Variants in GUCY1A1 observed in about 807,000 individuals in gnomAD.
GUCY1A1 encodes guanylate cyclase 1 soluble subunit alpha 1.
A neutral mutation model predicts 64.5 loss-of-function variants in GUCY1A1; 48 were observed. The ratio of observed to expected loss-of-function variants is 0.74; its 90% confidence interval spans 0.59 to 0.95. GUCY1A1 has a LOEUF of 0.95. Among genes scored for constraint, GUCY1A1 ranks in the 40% least tolerant of loss-of-function variants. GUCY1A1 has a pLI of 0.00. For missense variants in GUCY1A1, 804 were observed against 825.3 expected (o/e 0.97, Z 0.32); for synonymous variants, 308 against 303.4 (o/e 1.02, Z -0.16).
chr4:155,730,453 T>C lies in GUCY1A1; in HGVS notation c.*222T>C, dbSNP rs952353345. The C allele has an allele frequency of 9.7e-6, 4 of 410,420 alleles. No individual in the cohort carries two copies. The highest frequency in any genetic ancestry group is 1.7e-5 in the Non-Finnish European group (4 of 229,000). 25.4% of individuals were successfully genotyped at this position (410,420 alleles called of 1,614,324 possible). A position where few individuals can be genotyped will look rare whatever the true frequency, so the allele number is the denominator to read the frequency against. On this transcript the variant is annotated 3_prime_UTR_variant, in exon 10 of 10. Coordinates refer to ENST00000506455, the MANE Select transcript of GUCY1A1 (RefSeq NM_001130682.3). The stretch of plus-strand genomic sequence containing the variant: ...AAAAAACCTTAAAAAGCTACTTTTG[T>C]GGGAGTATTTCTATTATATAACCAG...
intron 7 of GUCY1A1, 145 bp downstream of exon 7, chr4:155,713,728 T>G: frequency 1.3e-6 from 1 of 768,296 alleles, no homozygotes; most frequent in Non-Finnish European, 2.1e-6. Context: ...GTATGGTGCA[T>G]TCATTATGTG....
chr4:155,691,132 AGATGGTTTTGAACTTAAGAATAAATAT>A (rs368027850), intron 2 of GUCY1A1, among the ~76,000 whole-genome samples: 6 of 152,372 alleles, frequency 3.9e-5, no homozygotes, highest in African/African-American at 7.2e-5. Flanking sequence ...AGCAAAAGCC[AGATGGTTTTGAACTTAAGAATAAATAT>A]GATGTAAGGA....
chr4:155,734,959 ATC>A lies in GUCY1A1; in HGVS notation c.*4730_*4731del, dbSNP rs1473017202. On this transcript the variant is annotated 3_prime_UTR_variant, in exon 10 of 10. Coordinates refer to ENST00000506455, the MANE Select transcript of GUCY1A1 (RefSeq NM_001130682.3). ...TAACGGAGCCAATTAATCCTTTGTC[ATC>A]TTTGTTGAGTTTAGTTTTCTTCTGT... is the stretch of plus-strand genomic sequence containing the variant. 6.6e-6 allele frequency: 1 copy of A among 151,890 alleles called. No homozygotes were observed. The highest frequency in any genetic ancestry group is 2.4e-5 in the African/African-American group (1 of 41,390). 9.4% of individuals were successfully genotyped at this position (151,890 alleles called of 1,614,324 possible).
intron 7 of GUCY1A1, among the ~76,000 whole-genome samples, chr4:155,716,468 A>G (rs1733246323): frequency 6.6e-6 from 1 of 152,188 alleles, no homozygotes; most frequent in Non-Finnish European, 1.5e-5. Context: ...TAACGACAAC[A>G]ATAATGATGA....
rs796190969 is a variant in GUCY1A1 at position 155,700,446 on chromosome 4, T to C, written c.255+3324T>C. Among the ~76,000 whole-genome samples, 21 of 152,296 alleles carry C rather than the reference T, an allele frequency of 1.4e-4. 1 individual carries two copies. In the South Asian group the frequency reaches 4.1e-3, roughly 30 times the overall value. On this transcript the variant is annotated intron_variant, in intron 3 of 9. Coordinates refer to ENST00000506455, the MANE Select transcript of GUCY1A1 (RefSeq NM_001130682.3). The stretch of plus-strand genomic sequence containing the variant: ...AAAATTAAAAAGCCAATGAAAATAG[T>C]GACTTATCCATAAACCACACCAATG...
intron 2 of GUCY1A1, among the ~76,000 whole-genome samples, chr4:155,673,636 G>A (rs892065730): frequency 1.3e-5 from 2 of 151,430 alleles, no homozygotes; most frequent in African/African-American, 4.9e-5. Context: ...GTGTGTGGGT[G>A]TGCATGTGTG....
intron 3 of GUCY1A1, among the ~76,000 whole-genome samples, chr4:155,699,870 T>C (rs1166082907): frequency 6.6e-6 from 1 of 152,190 alleles, no homozygotes; most frequent in African/African-American, 2.4e-5. Context: ...CAGGCAAGTA[T>C]AAAAATGTAT....
rs566840443 is a variant in GUCY1A1, at chr4:155,731,521, T to G, written c.*1290T>G. The G allele has an allele frequency of 6.6e-6, 1 of 151,946 alleles. No homozygotes were observed. Among genetic ancestry groups the G allele is most frequent in the Non-Finnish European group, 1.5e-5 (1 of 67,834 alleles). 9.4% of individuals were successfully genotyped at this position (151,946 alleles called of 1,614,324 possible). A position where few individuals can be genotyped will look rare whatever the true frequency, so the allele number is the denominator to read the frequency against. ...CCGGAACTTCAACTTTTTCTTTTTG[T>G]TTTACATAAACATTTAAGCAGCTAG... On this transcript the variant is annotated 3_prime_UTR_variant, in exon 10 of 10. Coordinates refer to ENST00000506455, the MANE Select transcript of GUCY1A1 (RefSeq NM_001130682.3).
intron 2 of GUCY1A1, among the ~76,000 whole-genome samples, chr4:155,691,720 C>T (rs1480703839): frequency 6.6e-6 from 1 of 152,122 alleles, no homozygotes; most frequent in Non-Finnish European, 1.5e-5. Context: ...CAGCTAATTG[C>T]TTTTGTGATG....
At chr4:155,717,111 A>T (rs1244116188) in intron 7 of GUCY1A1, 48 bp from the exon 8 acceptor site, 1 of 1,293,210 alleles carries the variant, frequency 7.7e-7, no homozygotes, top group Non-Finnish European at 1.0e-6. Flanking sequence ...GTAGGCTGTG[A>T]TTCTTCCTGA....
intron 7 of GUCY1A1, among the ~76,000 whole-genome samples, chr4:155,714,219 G>A (rs896916701): frequency 1.3e-5 from 2 of 152,178 alleles, no homozygotes; most frequent in Admixed American, 6.5e-5. Flanking sequence ...AACTGACCAA[G>A]TTAAAAAACC....
chr4:155,719,627 G>T (rs904218962), intron 8 of GUCY1A1, among the ~76,000 whole-genome samples: 4 of 152,084 alleles, frequency 2.6e-5, no homozygotes, highest in African/African-American at 9.7e-5. Flanking sequence ...CACGTCACAT[G>T]TGCAAATCAT....
At chr4:155,680,949 GCACACACACACACACATGCACACA>G (rs1735663992) in intron 2 of GUCY1A1, among the ~76,000 whole-genome samples, 1 of 136,318 alleles carries the variant, frequency 7.3e-6, no homozygotes, top group Admixed American at 7.2e-5. Flanking sequence ...ACACACACAT[GCACACACACACACACATGCACACA>G]CACACACACG....
At chr4:155,694,827 T>C (rs887747387) in intron 2 of GUCY1A1, among the ~76,000 whole-genome samples, 4 of 152,190 alleles carry the variant, frequency 2.6e-5, no homozygotes, top group Non-Finnish European at 5.9e-5. Context: ...TAAACAATAA[T>C]AGAATTATGT....
chr4:155,725,222 C>A (rs1297224679), intron 9 of GUCY1A1, among the ~76,000 whole-genome samples: 2 of 152,028 alleles, frequency 1.3e-5, no homozygotes, highest in Non-Finnish European at 2.9e-5. Context: ...GCTCCTAGAT[C>A]AGCGCGTGAA....
In GUCY1A1 at chr4:155,696,929, C is replaced by T. The variant is rs1210255951; in HGVS notation, c.62C>T (p.Ala21Val). ...GGAGAGTGTCCTTTCTCCTTACTGG[C>T]ACCAGGTCAAGTTCCTAACGAGTCT... ...ITGECPFSLL[A>V]PGQVPNESSE... Residue 21 changes from alanine to valine, a missense_variant, in exon 3 of 10, where the codon GCA (alanine) becomes GTA (valine). Physicochemically the swap from Ala to Val is moderately conservative, Grantham distance 64. Transcript: ENST00000506455. 2 of 1,612,658 alleles carry T rather than the reference C, an allele frequency of 1.2e-6. No individual in the cohort carries two copies. Among genetic ancestry groups the T allele is most frequent in the East Asian group, 4.5e-5 (2 of 44,870 alleles).
Position 155,710,983 on chromosome 4 carries a change from C to A in GUCY1A1, c.818C>A (p.Ser273Tyr). The change falls in exon 6 of 10, where the codon TCC (serine) becomes TAC (tyrosine). Residue 273 changes from serine (S) to tyrosine (Y), a missense_variant. Ser to Tyr is a moderately radical substitution (Grantham distance 144). Coordinates refer to ENST00000506455, the MANE Select transcript of GUCY1A1 (RefSeq NM_001130682.3). ...TCCCTGTCCCCCAGCAAACCCCAGT[C>A]CTCGCTGGTGATTCCCACATCGCTA... ...KPSLSPSKPQ[S>Y]SLVIPTSLFC... is the part of the protein sequence containing the mutation. 3 of 1,613,466 alleles carry A rather than the reference C, an allele frequency of 1.9e-6. No individual in the cohort carries two copies. Among genetic ancestry groups the A allele is most frequent in the Non-Finnish European group, 2.5e-6 (3 of 1,179,368 alleles).
chr4:155,687,556 A>G (rs1052925103), intron 2 of GUCY1A1, among the ~76,000 whole-genome samples: 1 of 152,226 alleles, frequency 6.6e-6, no homozygotes, highest in Non-Finnish European at 1.5e-5. Flanking sequence ...CATTTGTGAT[A>G]GTCAACATGT....
intron 2 of GUCY1A1, among the ~76,000 whole-genome samples, chr4:155,674,096 C>T (rs1168627481): frequency 6.1e-5 from 9 of 148,662 alleles, no homozygotes; most frequent in African/African-American, 2.4e-4. Context: ...TGGCTCACGC[C>T]TGTAATCCCA....
Sources: gnomAD v4.1 joint callset for allele counts (sites outside exome capture counted in the v4.1 genomes callset) on GRCh38, gnomAD v4.1.1 for gene constraint, MANE v1.5 for transcripts, NCBI Gene and HGNC (gene_info 2026-07-23, HGNC 2026-07-21) for gene names.